LRRC69: variants seen among roughly 807,000 people sequenced by gnomAD.
The protein encoded by LRRC69 is leucine rich repeat containing 69.
Under a neutral mutation model 37.8 loss-of-function variants are expected in LRRC69, and 42 were observed. The observed-to-expected ratio is 1.11, with a 90% CI of 0.87 to 1.44. The LOEUF (loss-of-function observed/expected upper bound fraction) is 1.44. Ranked by LOEUF, LRRC69 falls within the 40% of genes most tolerant of loss-of-function variation. The pLI is 0.00. For synonymous variants in LRRC69, 141 were observed against 143.1 expected, an observed-to-expected ratio of 0.99 and a Z score of 0.11; for missense variants, 357 against 401.9, an observed-to-expected ratio of 0.89 and a Z score of 0.96.
intron 5 of LRRC69, among the ~76,000 whole-genome samples, chr8:91,152,804 T>C (rs1338469456): frequency 6.6e-6 from 1 of 151,164 alleles, no homozygotes; most frequent in Non-Finnish European, 1.5e-5. Context: ...CTTATTTCCT[T>C]GAGCAGTGGT....
rs986553086 is a variant in LRRC69, at chr8:91,206,773, A to G, written c.933+5981A>G. 8 of 1,289,630 alleles carry G rather than the reference A, an allele frequency of 6.2e-6. No homozygotes were observed. In the Admixed American group the frequency reaches 6.9e-5, roughly 11 times the overall value. The allele number at this position is 1,289,630 out of a possible 1,614,324, so 79.9% of individuals were successfully genotyped here. On this transcript the variant is annotated intron_variant, in intron 7 of 7. Transcript: ENST00000448384. ...CATCTGGTGCTCTGCTAAATATGTC[A>G]CCTGGAATACCTCAATTAATGTCCA...
chr8:91,110,872 T>G (rs914540506), intron 1 of LRRC69, among the ~76,000 whole-genome samples: 1 of 152,006 alleles, frequency 6.6e-6, no homozygotes, highest in Non-Finnish European at 1.5e-5. Context: ...AAAGAAAGCA[T>G]GCAGCTCATT....
At chr8:91,197,664 C>T (rs906057689) in intron 6 of LRRC69, among the ~76,000 whole-genome samples, 3 of 152,174 alleles carry the variant, frequency 2.0e-5, no homozygotes, top group African/African-American at 4.8e-5. Context: ...TGACCCCTTG[C>T]GCTTCCCGAG....
chr8:91,104,005 A>G (rs1174189497), intron 1 of LRRC69, among the ~76,000 whole-genome samples: 1 of 151,800 alleles, frequency 6.6e-6, no homozygotes, highest in Non-Finnish European at 1.5e-5. Context: ...CTCATCCTCA[A>G]TCCCGATCTC....
intron 6 of LRRC69, among the ~76,000 whole-genome samples, chr8:91,191,088 G>C (rs1218828550): frequency 6.9e-6 from 1 of 144,846 alleles, no homozygotes; most frequent in Non-Finnish European, 1.5e-5. Flanking sequence ...AAAGCAAAGG[G>C]ACAGTGACCA....
At chr8:91,109,161 AC>A (rs34239125) in intron 1 of LRRC69, among the ~76,000 whole-genome samples, 79,260 of 151,738 alleles carry the variant, frequency 0.52, 21,352 homozygotes, top group South Asian at 0.66. Flanking sequence ...CTCTCCAGGA[AC>A]CGTTCATGTC....
chr8:91,143,432 A>G (rs1458719752), intron 5 of LRRC69, among the ~76,000 whole-genome samples: 1 of 152,030 alleles, frequency 6.6e-6, no homozygotes, highest in Non-Finnish European at 1.5e-5. Context: ...CCAATGCTAC[A>G]TTTTCCACAG....
intron 7 of LRRC69, chr8:91,205,430 T>C (rs1809787848): frequency 6.6e-6 from 1 of 152,190 alleles, no homozygotes; most frequent in Non-Finnish European, 1.5e-5. Context: ...TCACCTGATG[T>C]CAGGTATTTA....
chr8:91,126,720 A>G (rs1563597228), intron 2 of LRRC69, among the ~76,000 whole-genome samples: 1 of 152,004 alleles, frequency 6.6e-6, no homozygotes. Flanking sequence ...GGAGGGAGGA[A>G]AGAGAGAGCG....
chr8:91,138,383 TAACTC>T lies in LRRC69; in HGVS notation c.651+2647_651+2651del, dbSNP rs145895422. 2.8e-3 allele frequency among the ~76,000 whole-genome samples: 427 copies of T among 152,070 alleles called. 4 individuals carry two copies. Among genetic ancestry groups the T allele is most frequent in the African/African-American group, 9.6e-3 (397 of 41,564 alleles). The stretch of plus-strand genomic sequence containing the variant: ...TACCCATTACTTTTAAGTGTACTCT[TAACTC>T]AAAGATTTGAAACTGCATTGTGCAT... On this transcript the variant is annotated intron_variant, in intron 5 of 7. Coordinates refer to ENST00000448384, the Ensembl canonical transcript of LRRC69.
intron 5 of LRRC69, among the ~76,000 whole-genome samples, chr8:91,163,928 C>A (rs907859089): frequency 1.3e-5 from 2 of 149,428 alleles, no homozygotes; most frequent in African/African-American, 4.9e-5. Flanking sequence ...AAATACAAGC[C>A]AAATCAAAAA....
chr8:91,129,695 C>A (rs889396345), intron 3 of LRRC69, among the ~76,000 whole-genome samples: 14 of 151,960 alleles, frequency 9.2e-5, no homozygotes, highest in Non-Finnish European at 1.8e-4. Flanking sequence ...CAAAGAACTT[C>A]ACTTCCTATT....
Position 91,200,675 on chromosome 8 carries a change from CAT to C in LRRC69, c.818_819del (p.Ile273ArgfsTer65), listed in dbSNP as rs756785665. 1 of 1,509,066 alleles carries C rather than the reference CAT, an allele frequency of 6.6e-7. No homozygotes were observed. The highest frequency in any genetic ancestry group is 8.8e-7 in the Non-Finnish European group (1 of 1,131,160). 93.5% of individuals were successfully genotyped at this position (1,509,066 alleles called of 1,614,324 possible). ...AAAATAACCCTTTCCTAATGGATGA[CAT>C]AGAACGGTACCCACAAGTCAGGAGC... is the stretch of plus-strand genomic sequence containing the variant. On this transcript the variant is annotated frameshift_variant, in exon 7 of 8. Transcript: ENST00000448384. LOFTEE classifies it high-confidence loss of function.
intron 1 of LRRC69, among the ~76,000 whole-genome samples, chr8:91,114,847 G>A (rs1813480042): frequency 6.6e-6 from 1 of 151,960 alleles, no homozygotes; most frequent in Admixed American, 6.6e-5. Flanking sequence ...GACTGTATAT[G>A]CATTGGAATA....
At chr8:91,175,099 T>C (rs1809201545) in intron 5 of LRRC69, among the ~76,000 whole-genome samples, 2 of 152,180 alleles carry the variant, frequency 1.3e-5, no homozygotes, top group Non-Finnish European at 2.9e-5. Flanking sequence ...TTGAAATTGC[T>C]GTGCATGTTT....
At chr8:91,196,645 G>A (rs1809606852) in intron 6 of LRRC69, among the ~76,000 whole-genome samples, 2 of 152,022 alleles carry the variant, frequency 1.3e-5, no homozygotes, top group South Asian at 4.1e-4. Context: ...ATCAGCTCCT[G>A]AGGCTTCTGC....
chr8:91,150,611 G>A (rs1808715938), intron 5 of LRRC69, among the ~76,000 whole-genome samples: 1 of 151,998 alleles, frequency 6.6e-6, no homozygotes, highest in South Asian at 2.1e-4. Flanking sequence ...AAATGAGTTA[G>A]GGAGGATTCT....
At chr8:91,209,886 T>C (rs538154964) in intron 7 of LRRC69, among the ~76,000 whole-genome samples, 110 of 152,334 alleles carry the variant, frequency 7.2e-4, no homozygotes, top group African/African-American at 2.1e-3. Context: ...AAATGCTTTT[T>C]ACATATTTTT....
At chr8:91,132,201 CAG>C (rs758135466) in intron 3 of LRRC69, among the ~76,000 whole-genome samples, 11 of 152,038 alleles carry the variant, frequency 7.2e-5, no homozygotes, top group Non-Finnish European at 1.2e-4. Flanking sequence ...GCTTTGCAAA[CAG>C]ACACACCTGC....
Sources: allele counts gnomAD v4.1 joint callset (sites outside exome capture counted in the v4.1 genomes callset), GRCh38; gene constraint gnomAD v4.1.1; transcripts MANE v1.5; gene names NCBI Gene and HGNC (gene_info 2026-07-23, HGNC 2026-07-21).